The following SLC9A9 variants were observed in gnomAD, a reference collection of about 807,000 sequenced individuals.
The protein encoded by SLC9A9 is solute carrier family 9 member A9.
SLC9A9 carries 62 observed loss-of-function variants against 77.8 expected under a neutral mutation model. The ratio of observed to expected loss-of-function variants is 0.80; its 90% CI spans 0.65 to 0.98. The LOEUF (loss-of-function observed/expected upper bound fraction) is 0.98, where lower values mean the gene tolerates loss of function less well. SLC9A9 is among the 50% of genes least tolerant of loss of function. SLC9A9 has a pLI of 0.00. For synonymous variants in SLC9A9, 320 were observed against 283.5 expected, an observed-to-expected ratio of 1.13 and a Z score of -1.29; for missense variants, 775 against 774.9, an observed-to-expected ratio of 1.00 and a Z score of 0.00.
chr3:143,498,508 C>G (rs528697754), intron 9 of SLC9A9, among the ~76,000 whole-genome samples: 1 of 150,264 alleles, frequency 6.7e-6, no homozygotes, highest in South Asian at 2.1e-4. Context: ...GAGCCGAGAT[C>G]ACACCACTGC....
At chr3:143,792,708 C>T (rs766044549) in intron 4 of SLC9A9, among the ~76,000 whole-genome samples, 8 of 152,162 alleles carry the variant, frequency 5.3e-5, no homozygotes, top group Non-Finnish European at 1.2e-4. Flanking sequence ...TCTCACTTCA[C>T]TTACTTGCCC....
intron 12 of SLC9A9, among the ~76,000 whole-genome samples, chr3:143,422,772 C>G (rs1195316799): frequency 1.3e-5 from 2 of 152,180 alleles, no homozygotes; most frequent in Non-Finnish European, 2.9e-5. Context: ...GGAAACAAGG[C>G]TCAGAGCAGT....
intron 8 of SLC9A9, among the ~76,000 whole-genome samples, chr3:143,553,420 C>T (rs189434812): frequency 4.7e-4 from 71 of 152,222 alleles, no homozygotes; most frequent in African/African-American, 1.7e-3. Context: ...AAGTATTCCT[C>T]GACTCAGACC....
At chr3:143,661,193 C>G (rs1365536643) in intron 5 of SLC9A9, among the ~76,000 whole-genome samples, 1 of 152,198 alleles carries the variant, frequency 6.6e-6, no homozygotes, top group African/African-American at 2.4e-5. Flanking sequence ...AGTCATAAAG[C>G]AGCTCTCACC....
chr3:143,566,616 T>C (rs541082807), intron 8 of SLC9A9, among the ~76,000 whole-genome samples: 1 of 152,172 alleles, frequency 6.6e-6, no homozygotes. Flanking sequence ...AATAGTGTTC[T>C]ATACTGTTTA....
chr3:143,776,666 G>GA (rs1206793293), intron 4 of SLC9A9, among the ~76,000 whole-genome samples: 2 of 152,038 alleles, frequency 1.3e-5, no homozygotes. Flanking sequence ...TTAATAAAAT[G>GA]AAAAAGACTC....
intron 14 of SLC9A9, among the ~76,000 whole-genome samples, chr3:143,333,820 T>C (rs931741220): frequency 5.3e-5 from 8 of 152,242 alleles, no homozygotes; most frequent in Non-Finnish European, 5.9e-5. Context: ...TTATGTTAGC[T>C]GCTTCTTTTT....
intron 6 of SLC9A9, among the ~76,000 whole-genome samples, chr3:143,604,955 T>C (rs973229049): frequency 1.3e-5 from 2 of 152,190 alleles, no homozygotes; most frequent in Non-Finnish European, 2.9e-5. Context: ...AGAGACTGAA[T>C]TCTGGAGGCT....
intron 4 of SLC9A9, among the ~76,000 whole-genome samples, chr3:143,716,842 G>A (rs1934365425): frequency 6.6e-6 from 1 of 152,214 alleles, no homozygotes; most frequent in East Asian, 1.9e-4. Flanking sequence ...TGGTACCAAT[G>A]CCGTTTATGT....
chr3:143,794,730 G>A (rs1029517657), intron 4 of SLC9A9, among the ~76,000 whole-genome samples: 5 of 152,094 alleles, frequency 3.3e-5, no homozygotes, highest in African/African-American at 7.2e-5. Flanking sequence ...AATGCAATGC[G>A]CTTCACATAA....
chr3:143,829,271 G>A (rs926408702), intron 2 of SLC9A9, among the ~76,000 whole-genome samples: 1 of 151,788 alleles, frequency 6.6e-6, no homozygotes, highest in Non-Finnish European at 1.5e-5. Flanking sequence ...TCTTTTATCC[G>A]GGCTTAAAAT....
intron 8 of SLC9A9, among the ~76,000 whole-genome samples, chr3:143,554,057 G>A (rs2036936535): frequency 6.6e-6 from 1 of 152,120 alleles, no homozygotes; most frequent in African/African-American, 2.4e-5. Context: ...GGGGTTTTCT[G>A]GGTGAGGTTT....
chr3:143,341,950 A>C (rs1016321660), intron 14 of SLC9A9, among the ~76,000 whole-genome samples: 1 of 152,168 alleles, frequency 6.6e-6, no homozygotes, highest in African/African-American at 2.4e-5. Context: ...ACCCATGCAG[A>C]TGAAGAGCCC....
At chr3:143,744,860 A>G (rs973715701) in intron 4 of SLC9A9, among the ~76,000 whole-genome samples, 12 of 152,298 alleles carry the variant, frequency 7.9e-5, no homozygotes, top group Admixed American at 5.2e-4. Context: ...AGAAGTTTTT[A>G]ATGAGGCAGG....
chr3:143,577,608 G>C (rs1290059522), intron 7 of SLC9A9, among the ~76,000 whole-genome samples: 9 of 152,142 alleles, frequency 5.9e-5, no homozygotes, highest in Non-Finnish European at 5.9e-5. Flanking sequence ...TTCTAAGCCT[G>C]TCACTCACTG....
intron 4 of SLC9A9, among the ~76,000 whole-genome samples, chr3:143,790,842 TC>T (rs900727284): frequency 6.6e-6 from 1 of 152,232 alleles, no homozygotes; most frequent in African/African-American, 2.4e-5. Context: ...AATGTCCCTT[TC>T]TTTAAATATT....
chr3:143,334,324 C>G (rs1361684749), intron 14 of SLC9A9, among the ~76,000 whole-genome samples: 1 of 152,148 alleles, frequency 6.6e-6, no homozygotes, highest in African/African-American at 2.4e-5. Context: ...TTTTACGATC[C>G]TGGTCATTAG....
intron 14 of SLC9A9, among the ~76,000 whole-genome samples, chr3:143,310,426 T>C (rs2030973193): frequency 6.6e-6 from 1 of 151,814 alleles, no homozygotes; most frequent in Non-Finnish European, 1.5e-5. Context: ...GGGGCTGCTA[T>C]GAATTTTCAA....
intron 4 of SLC9A9, among the ~76,000 whole-genome samples, chr3:143,743,246 GATAGATAGATA>G (rs1560059094): frequency 2.6e-3 from 195 of 74,254 alleles, no homozygotes; most frequent in South Asian, 6.7e-3. Context: ...TGGATGGATA[GATAGATAGATA>G]GATAGATAGA....
Sources: allele counts gnomAD v4.1 joint callset (sites outside exome capture counted in the v4.1 genomes callset), GRCh38; gene constraint gnomAD v4.1.1; transcripts MANE v1.5; gene names NCBI Gene and HGNC (gene_info 2026-07-23, HGNC 2026-07-21).